Variants in LUZP2 observed in about 807,000 individuals in gnomAD.
LUZP2 encodes leucine zipper protein 2.
A neutral mutation model predicts 51.6 loss-of-function variants in LUZP2; 52 were observed. The observed-to-expected ratio is 1.01, with a 90% confidence interval of 0.81 to 1.27. The LOEUF (loss-of-function observed/expected upper bound fraction) is 1.27. Ranked by LOEUF, LUZP2 falls within the 50% of genes most tolerant of loss-of-function variation. LUZP2 has a pLI of 0.00. For missense variants in LUZP2, 436 were observed against 395.4 expected, an observed-to-expected ratio of 1.10 and a Z score of -0.87; for synonymous variants, 154 against 137.3, an observed-to-expected ratio of 1.12 and a Z score of -0.85.
intron 7 of LUZP2, among the ~76,000 whole-genome samples, chr11:24,940,981 G>A (rs1031950713): frequency 6.6e-6 from 1 of 152,136 alleles, no homozygotes; most frequent in African/African-American, 2.4e-5. Context: ...TATGCAGACA[G>A]AAATAGAAAA....
chr11:25,076,103 C>T (rs1170081899), intron 10 of LUZP2, among the ~76,000 whole-genome samples: 1 of 152,112 alleles, frequency 6.6e-6, no homozygotes, highest in East Asian at 1.9e-4. Context: ...GCCTCAACCT[C>T]CCGGGCACTT....
chr11:24,499,029 T>C (rs1231968153), intron 1 of LUZP2, among the ~76,000 whole-genome samples: 1 of 152,180 alleles, frequency 6.6e-6, no homozygotes, highest in African/African-American at 2.4e-5. Context: ...AGCCATTATC[T>C]TTTCCTTTCA....
chr11:24,627,590 A>G (rs1253810036), intron 1 of LUZP2, among the ~76,000 whole-genome samples: 2 of 152,244 alleles, frequency 1.3e-5, no homozygotes, highest in Non-Finnish European at 2.9e-5. Context: ...TAGAGGCAGA[A>G]CATGAAATCC....
chr11:24,856,346 C>G (rs777580769), intron 5 of LUZP2, among the ~76,000 whole-genome samples: 1 of 152,018 alleles, frequency 6.6e-6, no homozygotes, highest in Non-Finnish European at 1.5e-5. Context: ...TTCAACATCA[C>G]TAAACATCAA....
chr11:24,737,915 A>G (rs913513174), intron 3 of LUZP2, among the ~76,000 whole-genome samples: 3 of 152,098 alleles, frequency 2.0e-5, no homozygotes, highest in Non-Finnish European at 4.4e-5. Context: ...TTCAACTTGA[A>G]TTATATATTG....
intron 8 of LUZP2, among the ~76,000 whole-genome samples, chr11:24,977,705 A>G (rs1052804678): frequency 6.6e-6 from 1 of 151,692 alleles, no homozygotes; most frequent in Non-Finnish European, 1.5e-5. Context: ...TAATAAATAT[A>G]TGTATGTTGC....
intron 8 of LUZP2, among the ~76,000 whole-genome samples, chr11:24,981,537 T>A (rs1434492993): frequency 6.6e-6 from 1 of 151,778 alleles, no homozygotes; most frequent in African/African-American, 2.4e-5. Flanking sequence ...CCTGTGACTT[T>A]GAATGCCTAA....
At chr11:24,561,067 GACAA>G (rs1393525272) in intron 1 of LUZP2, among the ~76,000 whole-genome samples, 2 of 152,202 alleles carry the variant, frequency 1.3e-5, no homozygotes, top group East Asian at 1.9e-4. Flanking sequence ...CTTCAAATTT[GACAA>G]ACAATGTTGA....
chr11:24,542,241 A>G (rs942677190), intron 1 of LUZP2, among the ~76,000 whole-genome samples: 7 of 152,032 alleles, frequency 4.6e-5, no homozygotes, highest in Admixed American at 2.0e-4. Flanking sequence ...ACCCCCCCAT[A>G]CACAAACCAC....
At chr11:24,976,482 T>C (rs1855883206) in intron 7 of LUZP2, 109 bp from the exon 8 acceptor site, 1 of 616,014 alleles carries the variant, frequency 1.6e-6, no homozygotes, top group African/African-American at 1.9e-5. Flanking sequence ...CTGTTTTTTT[T>C]TTTTTTCTTT....
At position 24,738,653 on chromosome 11, in the gene LUZP2, G is replaced by A. The variant is rs138669848; in HGVS notation, c.333+351G>A. 3.2e-3 allele frequency among the ~76,000 whole-genome samples: 480 copies of A among 152,012 alleles called. 4 individuals carry two copies. Among genetic ancestry groups the A allele is most frequent in the South Asian group, 9.4e-3 (45 of 4,806 alleles). On this transcript the variant is annotated intron_variant, in intron 4 of 11. Transcript: ENST00000336930. ...AATTAAGCTAAGTGATAGTTAAGTCGCACCCCACATCCACTGAATAAGGAT... is the reference window on the plus strand; with the variant it reads ...AATTAAGCTAAGTGATAGTTAAGTCACACCCCACATCCACTGAATAAGGAT...
Position 24,695,181 on chromosome 11 carries a change from C to T in LUZP2, c.63-33988C>T, listed in dbSNP as rs138836760. Among the ~76,000 whole-genome samples, 1,129 of 152,060 alleles carry T rather than the reference C, an allele frequency of 7.4e-3. 13 individuals carry two copies. Among genetic ancestry groups the T allele is most frequent in the African/African-American group, 0.025 (1,018 of 41,492 alleles). ...ATTTTAAATGTCTATCAGTACAAGC[C>T]ATTGTTATATCAATTCTAGGAAATA... On this transcript the variant is annotated intron_variant, in intron 1 of 11. Transcript: ENST00000336930.
Position 24,511,360 on chromosome 11 carries a change from G to A in LUZP2, c.62+14055G>A, listed in dbSNP as rs560145822. ...ATTTTGTTATACATGACAATTTATG[G>A]TGATGTGAAAGCTGGTGTCTGTCGC... On this transcript the variant is annotated intron_variant, in intron 1 of 11. Coordinates refer to ENST00000336930, the MANE Select transcript of LUZP2 (RefSeq NM_001009909.4). 2.0e-5 allele frequency among the ~76,000 whole-genome samples: 3 copies of A among 152,052 alleles called. No homozygotes were observed. The East Asian group carries it at 5.8e-4, about 29-fold the overall frequency.
intron 1 of LUZP2, among the ~76,000 whole-genome samples, chr11:24,568,355 G>GGA (rs1852313821): frequency 7.9e-6 from 1 of 127,252 alleles, no homozygotes; most frequent in African/African-American, 3.2e-5. Context: ...ATCTGTCTCA[G>GGA]AAAAAAAAAA....
chr11:24,586,630 G>C (rs1387646038), intron 1 of LUZP2, among the ~76,000 whole-genome samples: 2 of 151,868 alleles, frequency 1.3e-5, no homozygotes, highest in Non-Finnish European at 2.9e-5. Flanking sequence ...TAAAATACAA[G>C]TGACCTTGTT....
intron 5 of LUZP2, chr11:24,893,124 C>T (rs1458969686): frequency 6.6e-6 from 1 of 152,128 alleles, no homozygotes; most frequent in Non-Finnish European, 1.5e-5. Flanking sequence ...ACAATAATGT[C>T]ACAGAGACAA....
At chr11:24,902,545 A>C (rs1233698626) in intron 5 of LUZP2, among the ~76,000 whole-genome samples, 1 of 152,182 alleles carries the variant, frequency 6.6e-6, no homozygotes, top group Non-Finnish European at 1.5e-5. Flanking sequence ...AGCTTCACTA[A>C]TGGTGTGGAA....
chr11:24,832,943 G>T (rs965149567), intron 5 of LUZP2, among the ~76,000 whole-genome samples: 1 of 152,078 alleles, frequency 6.6e-6, no homozygotes, highest in Admixed American at 6.6e-5. Flanking sequence ...CCAGAGGTCT[G>T]GATTTCAATT....
intron 1 of LUZP2, among the ~76,000 whole-genome samples, chr11:24,523,066 C>A (rs11027975): frequency 0.23 from 34,608 of 151,812 alleles, 5,090 homozygotes; most frequent in African/African-American, 0.42. Context: ...AAAAAATAAT[C>A]CTTGACAAGT....
Sources: gnomAD v4.1 joint callset for allele counts (sites outside exome capture counted in the v4.1 genomes callset) on GRCh38, gnomAD v4.1.1 for gene constraint, MANE v1.5 for transcripts, NCBI Gene and HGNC (gene_info 2026-07-23, HGNC 2026-07-21) for gene names.